The following LINGO1 variants were observed in gnomAD, a reference collection of about 807,000 sequenced individuals.
LINGO1 encodes the protein leucine-rich repeat and immunoglobulin-like domain-containing nogo receptor-interacting protein 1.
A neutral mutation model predicts 37.3 loss-of-function variants in LINGO1; 11 were observed. The observed-to-expected ratio is 0.29, with a 90% CI of 0.19 to 0.49. The LOEUF is 0.49. Ranked by LOEUF, LINGO1 falls within the 20% of genes least tolerant of loss-of-function variation. LINGO1 has a pLI of 0.99. For missense variants in LINGO1, 585 were observed against 878.2 expected (o/e 0.67, Z 4.22); for synonymous variants, 387 against 403.0 (o/e 0.96, Z 0.48).
chr15:77,804,870 C>T (rs929423201), intron 1 of LINGO1, among the ~76,000 whole-genome samples: 1 of 152,204 alleles, frequency 6.6e-6, no homozygotes. Context: ...ATAGAAATGA[C>T]AGGAGTGAGA....
At chr15:77,749,644 C>T (rs1168723271) in intron 1 of LINGO1, among the ~76,000 whole-genome samples, 1 of 152,246 alleles carries the variant, frequency 6.6e-6, no homozygotes, top group Non-Finnish European at 1.5e-5. Context: ...ACGGCTGCTG[C>T]GTGGACTGCT....
chr15:77,766,534 G>A (rs1174624456), intron 1 of LINGO1, among the ~76,000 whole-genome samples: 1 of 152,112 alleles, frequency 6.6e-6, no homozygotes, highest in Admixed American at 6.5e-5. Context: ...TAATCCCCAC[G>A]TGTCAAAGGC....
intron 1 of LINGO1, among the ~76,000 whole-genome samples, chr15:77,750,176 C>G (rs1395502441): frequency 3.3e-5 from 5 of 152,000 alleles, no homozygotes; most frequent in Admixed American, 3.3e-4. Context: ...TTCCTCACTG[C>G]CCTCAGTATC....
intron 1 of LINGO1, among the ~76,000 whole-genome samples, chr15:77,765,400 G>A (rs2076517930): frequency 6.7e-6 from 1 of 150,144 alleles, no homozygotes; most frequent in Non-Finnish European, 1.5e-5. Flanking sequence ...GGGCAACAGA[G>A]CGAGACTGTG....
intron 1 of LINGO1, among the ~76,000 whole-genome samples, chr15:77,752,309 T>C (rs2076379934): frequency 6.6e-6 from 1 of 152,220 alleles, no homozygotes; most frequent in Non-Finnish European, 1.5e-5. Flanking sequence ...GTAAAGACTT[T>C]TGTCCTAAAA....
intron 1 of LINGO1, chr15:77,691,038 C>T (rs568805357): frequency 6.6e-6 from 1 of 152,380 alleles, no homozygotes; most frequent in Non-Finnish European, 1.5e-5. Context: ...TCTAGACCAG[C>T]ACTGTTTGAC....
At chr15:77,802,338 A>C (rs1300320865) in intron 1 of LINGO1, among the ~76,000 whole-genome samples, 1 of 151,976 alleles carries the variant, frequency 6.6e-6, no homozygotes, top group Non-Finnish European at 1.5e-5. Flanking sequence ...GTGTGTCTGG[A>C]GGGAGAGGAA....
At chr15:77,711,498 G>A (rs948828020) in intron 2 of LINGO1, among the ~76,000 whole-genome samples, 1 of 152,182 alleles carries the variant, frequency 6.6e-6, no homozygotes, top group African/African-American at 2.4e-5. Flanking sequence ...TGAGGCTGCT[G>A]AATGAGTGTT....
chr15:77,811,433 C>G (rs1213649990), intron 1 of LINGO1, among the ~76,000 whole-genome samples: 1 of 152,214 alleles, frequency 6.6e-6, no homozygotes, highest in Non-Finnish European at 1.5e-5. Flanking sequence ...CTCCCCTCCC[C>G]TGCCTCTCCT....
At chr15:77,770,431 T>C (rs1265077011) in intron 1 of LINGO1, among the ~76,000 whole-genome samples, 2 of 151,852 alleles carry the variant, frequency 1.3e-5, no homozygotes, top group Non-Finnish European at 2.9e-5. Flanking sequence ...CTACTAAAAA[T>C]ACAAAATTAG....
intron 2 of LINGO1, among the ~76,000 whole-genome samples, chr15:77,723,456 C>T (rs528253643): frequency 6.6e-6 from 1 of 152,198 alleles, no homozygotes; most frequent in African/African-American, 2.4e-5. Flanking sequence ...ACAACCGAGG[C>T]TGACGTCTCT....
chr15:77,783,736 G>A (rs2076744006), intron 1 of LINGO1, among the ~76,000 whole-genome samples: 1 of 151,916 alleles, frequency 6.6e-6, no homozygotes, highest in Non-Finnish European at 1.5e-5. Context: ...GGAAGAAGCT[G>A]GAGAGATTGT....
chr15:77,664,761 GCCAGGGAGGGCTGGAC>G (rs1342223655), intron 3 of LINGO1, among the ~76,000 whole-genome samples: 9 of 152,170 alleles, frequency 5.9e-5, no homozygotes, highest in Admixed American at 3.9e-4. Context: ...CTTGAGATGG[GCCAGGGAGGGCTGGAC>G]CCAGGCCTGA....
Position 77,631,192 on chromosome 15 carries a change from C to T in LINGO1, c.6+1118G>A, listed in dbSNP as rs780850556. On this transcript the variant is annotated intron_variant, in intron 1 of 1. Coordinates refer to ENST00000355300, the MANE Select transcript of LINGO1 (RefSeq NM_032808.7). ...TGACCAACAGGGTTGAGCCCAGAGC[C>T]GCGGGCCAGGCTGGGCTATGCGCCC... is the stretch of plus-strand genomic sequence containing the variant. 3.9e-5 allele frequency among the ~76,000 whole-genome samples: 6 copies of T among 152,328 alleles called. No homozygotes were observed. In the East Asian group the frequency reaches 9.7e-4, roughly 25 times the overall value.
chr15:77,644,738 T>C (rs1233995565), intron 3 of LINGO1, among the ~76,000 whole-genome samples: 1 of 152,206 alleles, frequency 6.6e-6, no homozygotes, highest in African/African-American at 2.4e-5. Context: ...AAGTGGCTGC[T>C]GTGCCCATTT....
chr15:77,658,114 G>A (rs985815290), intron 3 of LINGO1, among the ~76,000 whole-genome samples: 14 of 152,144 alleles, frequency 9.2e-5, no homozygotes, highest in Non-Finnish European at 1.5e-4. Flanking sequence ...AGGTGACGGC[G>A]GGATGTCTAG....
rs1280823958 is a variant in LINGO1, at chr15:77,794,723, G to A, written c.-343+1216C>T. 2.0e-5 allele frequency among the ~76,000 whole-genome samples: 3 copies of A among 151,506 alleles called. No homozygotes were observed. The East Asian group carries it at 5.8e-4, about 29-fold the overall frequency. ...CTGCCTCAGCCTCCCGAGTAGCTGG[G>A]ACTACAGGCGCCCGCCACCACGCCC... On this transcript the variant is annotated intron_variant, in intron 2 of 5. Coordinates refer to the LINGO1 transcript ENST00000562933.
intron 1 of LINGO1, among the ~76,000 whole-genome samples, chr15:77,781,900 T>C (rs990973483): frequency 6.6e-6 from 1 of 152,138 alleles, no homozygotes; most frequent in Non-Finnish European, 1.5e-5. Context: ...ATCTGCAAAA[T>C]GGTAGCCCTG....
At chr15:77,683,531 TA>T (rs1006333290) in intron 2 of LINGO1, among the ~76,000 whole-genome samples, 38 of 152,206 alleles carry the variant, frequency 2.5e-4, no homozygotes, top group African/African-American at 8.9e-4. Flanking sequence ...AGGCAACGAT[TA>T]AAAAGAACAC....
Sources: gnomAD v4.1 joint callset for allele counts (sites outside exome capture counted in the v4.1 genomes callset) on GRCh38, gnomAD v4.1.1 for gene constraint, MANE v1.5 for transcripts, NCBI Gene and HGNC (gene_info 2026-07-23, HGNC 2026-07-21) for gene names.